The following PDZRN4 variants were observed in gnomAD, a reference collection of about 807,000 sequenced individuals.
The protein encoded by PDZRN4 is PDZ domain-containing RING finger protein 4.
In PDZRN4, 70 loss-of-function variants were observed where a neutral mutation model predicts 99.0. The observed-to-expected ratio is 0.71, with a 90% CI of 0.58 to 0.86. The LOEUF is 0.86. PDZRN4 is among the 40% of genes least tolerant of loss of function. PDZRN4 has a pLI of 0.00. For synonymous variants in PDZRN4, 551 were observed against 501.6 expected (o/e 1.10, Z -1.32); for missense variants, 1,474 against 1,331.2 (o/e 1.11, Z -1.67).
intron 3 of PDZRN4, among the ~76,000 whole-genome samples, chr12:41,345,434 G>C (rs1447935634): frequency 1.3e-5 from 2 of 152,100 alleles, no homozygotes; most frequent in African/African-American, 2.4e-5. Context: ...AATGAACTAA[G>C]GCATCAGGAG....
At chr12:41,465,684 C>A (rs1449959899) in intron 3 of PDZRN4, among the ~76,000 whole-genome samples, 1 of 152,164 alleles carries the variant, frequency 6.6e-6, no homozygotes, top group Non-Finnish European at 1.5e-5. Context: ...TATATCTGGA[C>A]AGTTGGGAAC....
At chr12:41,552,632 C>A in intron 5 of PDZRN4, 24 bp from the exon 6 acceptor site, 10 of 1,560,766 alleles carry the variant, frequency 6.4e-6, no homozygotes, top group South Asian at 2.2e-5. Context: ...ACATAAATGT[C>A]ATCTGTGTGT....
At chr12:41,256,518 C>G (rs1951205513) in intron 3 of PDZRN4, among the ~76,000 whole-genome samples, 1 of 152,088 alleles carries the variant, frequency 6.6e-6, no homozygotes, top group Admixed American at 6.5e-5. Flanking sequence ...ATACACAAGC[C>G]AACATTTACC....
intron 5 of PDZRN4, among the ~76,000 whole-genome samples, chr12:41,515,653 T>C (rs1324293413): frequency 1.3e-5 from 2 of 152,156 alleles, no homozygotes; most frequent in Non-Finnish European, 2.9e-5. Flanking sequence ...AACCAATAAG[T>C]GATCATATAT....
intron 3 of PDZRN4, among the ~76,000 whole-genome samples, chr12:41,488,820 G>T (rs557901082): frequency 3.9e-5 from 6 of 152,170 alleles, no homozygotes; most frequent in Middle Eastern, 3.2e-3. Context: ...TTCAACTTCT[G>T]TGTTATAGTG....
intron 3 of PDZRN4, among the ~76,000 whole-genome samples, chr12:41,368,245 T>A (rs1952016351): frequency 6.6e-6 from 1 of 152,054 alleles, no homozygotes; most frequent in South Asian, 2.1e-4. Flanking sequence ...ACAGCTGTGA[T>A]TATGTCCTTG....
At chr12:41,548,547 G>A (rs992578442) in intron 5 of PDZRN4, among the ~76,000 whole-genome samples, 12 of 152,290 alleles carry the variant, frequency 7.9e-5, no homozygotes, top group Admixed American at 3.9e-4. Context: ...AACGGCTAGC[G>A]TGTCTAGCCC....
chr12:41,548,151 C>A (rs1468485161), intron 5 of PDZRN4, among the ~76,000 whole-genome samples: 3 of 152,138 alleles, frequency 2.0e-5, no homozygotes, highest in African/African-American at 4.8e-5. Flanking sequence ...TTGGAGGGTG[C>A]AAACCTGAAA....
chr12:41,489,536 G>T (rs1420620352), intron 3 of PDZRN4, among the ~76,000 whole-genome samples: 1 of 152,092 alleles, frequency 6.6e-6, no homozygotes, highest in East Asian at 1.9e-4. Flanking sequence ...TCTATGTTTG[G>T]AATCTCAGCA....
chr12:41,391,575 A>G (rs1210759535), intron 3 of PDZRN4, among the ~76,000 whole-genome samples: 1 of 152,216 alleles, frequency 6.6e-6, no homozygotes, highest in African/African-American at 2.4e-5. Context: ...CAGATTAAAT[A>G]ATCTCACAAT....
At chr12:41,294,231 G>C (rs931871353) in intron 3 of PDZRN4, among the ~76,000 whole-genome samples, 2 of 152,260 alleles carry the variant, frequency 1.3e-5, no homozygotes, top group East Asian at 3.9e-4. Flanking sequence ...GCAGACCTGG[G>C]TGCAAGTCCT....
intron 3 of PDZRN4, among the ~76,000 whole-genome samples, chr12:41,411,186 C>T (rs12307517): frequency 0.07 from 10,625 of 151,870 alleles, 910 homozygotes; most frequent in African/African-American, 0.18. Context: ...TAGGCATGAG[C>T]CACCGTGCCC....
At chr12:41,496,275 C>G (rs752162951) in intron 3 of PDZRN4, among the ~76,000 whole-genome samples, 3 of 152,092 alleles carry the variant, frequency 2.0e-5, no homozygotes, top group Non-Finnish European at 4.4e-5. Flanking sequence ...AGAGAGTAGC[C>G]TCATCTCTGT....
chr12:41,268,231 A>G (rs1275300861), intron 3 of PDZRN4, among the ~76,000 whole-genome samples: 1 of 152,200 alleles, frequency 6.6e-6, no homozygotes, highest in Non-Finnish European at 1.5e-5. Context: ...TGTCAACTTT[A>G]CAGATGAGGA....
At chr12:41,520,526 C>T (rs1277761757) in intron 5 of PDZRN4, among the ~76,000 whole-genome samples, 1 of 151,700 alleles carries the variant, frequency 6.6e-6, no homozygotes, top group Admixed American at 6.6e-5. Flanking sequence ...TTGTTTTGTT[C>T]TTCAAATTAA....
At chr12:41,297,891 A>G (rs1319014808) in intron 3 of PDZRN4, among the ~76,000 whole-genome samples, 2 of 152,212 alleles carry the variant, frequency 1.3e-5, no homozygotes, top group Non-Finnish European at 2.9e-5. Flanking sequence ...GAGACACAAG[A>G]ATCCAGAATG....
At chr12:41,324,072 T>G (rs1158242649) in intron 3 of PDZRN4, among the ~76,000 whole-genome samples, 2 of 152,044 alleles carry the variant, frequency 1.3e-5, no homozygotes, top group African/African-American at 4.8e-5. Context: ...TGAAATAGGA[T>G]GTTGTTTGTT....
intron 3 of PDZRN4, among the ~76,000 whole-genome samples, chr12:41,302,218 C>T (rs1465012794): frequency 1.3e-5 from 2 of 151,994 alleles, no homozygotes. Flanking sequence ...TCAAATATAA[C>T]ATTTCTTTGA....
chr12:41,443,379 T>A (rs1330090465), intron 3 of PDZRN4, among the ~76,000 whole-genome samples: 1 of 152,068 alleles, frequency 6.6e-6, no homozygotes. Flanking sequence ...GTCAATGGAT[T>A]GGGAGTTGGA....
Sources: gnomAD v4.1 joint callset for allele counts (sites outside exome capture counted in the v4.1 genomes callset) on GRCh38, gnomAD v4.1.1 for gene constraint, MANE v1.5 for transcripts, NCBI Gene and HGNC (gene_info 2026-07-23, HGNC 2026-07-21) for gene names.